MMP16: variants seen among roughly 807,000 people sequenced by gnomAD.
MMP16 encodes matrix metallopeptidase 16, also known as matrix metalloproteinase-16.
Under a neutral mutation model 67.8 loss-of-function variants are expected in MMP16, and 12 were observed. The observed-to-expected ratio is 0.18, with a 90% CI of 0.11 to 0.29. The LOEUF (loss-of-function observed/expected upper bound fraction) is 0.29, where lower values mean the gene tolerates loss of function less well. Ranked by LOEUF, MMP16 falls within the 10% of genes least tolerant of loss-of-function variation. The pLI, the probability that MMP16 is intolerant of heterozygous loss-of-function variation, is 1.00. For synonymous variants in MMP16, 249 were observed against 255.9 expected (o/e 0.97, Z 0.26); for missense variants, 475 against 765.7 (o/e 0.62, Z 4.48).
intron 1 of MMP16, among the ~76,000 whole-genome samples, chr8:88,275,960 T>A (rs985938798): frequency 1.3e-5 from 2 of 152,152 alleles, no homozygotes; most frequent in African/African-American, 4.8e-5. Flanking sequence ...CCTAGTCCCT[T>A]GCAAATAGTA....
intron 4 of MMP16, among the ~76,000 whole-genome samples, chr8:88,127,012 A>G (rs1807943681): frequency 6.6e-6 from 1 of 151,910 alleles, no homozygotes; most frequent in Non-Finnish European, 1.5e-5. Flanking sequence ...ACTAAATGAC[A>G]TGAAAAGAAA....
intron 4 of MMP16, 32 bp from the exon 5 acceptor site, chr8:88,118,893 A>G: frequency 6.3e-7 from 1 of 1,596,172 alleles, no homozygotes; most frequent in Non-Finnish European, 8.6e-7. Flanking sequence ...AAGTTTTTGT[A>G]ACTAATATCC....
In MMP16 at chr8:88,148,249, T is replaced by G. The variant is rs117049876; in HGVS notation, c.709+19420A>C. ...TTTTCCTTTTTAAAGACATCCTGCA[T>G]TGAAGTTTTAAAAGATATCCTATTT... On this transcript the variant is annotated intron_variant, in intron 4 of 9. Transcript: ENST00000286614. Among the ~76,000 whole-genome samples, 932 of 152,318 alleles carry G rather than the reference T, an allele frequency of 6.1e-3. 16 individuals are homozygous for G. Among genetic ancestry groups the G allele is most frequent in the East Asian group, 0.045 (232 of 5,180 alleles).
At chr8:88,290,942 G>A (rs545094020) in intron 1 of MMP16, among the ~76,000 whole-genome samples, 6 of 152,008 alleles carry the variant, frequency 3.9e-5, no homozygotes, top group African/African-American at 7.3e-5. Context: ...GAGATTCTCC[G>A]ATTCTAATGA....
At chr8:88,203,591 C>T (rs1809378623) in intron 1 of MMP16, among the ~76,000 whole-genome samples, 1 of 152,294 alleles carries the variant, frequency 6.6e-6, no homozygotes, top group South Asian at 2.1e-4. Flanking sequence ...AAGAGTTTCA[C>T]ATTGTCACCT....
At chr8:88,210,173 G>A (rs981795822) in intron 1 of MMP16, among the ~76,000 whole-genome samples, 1 of 152,088 alleles carries the variant, frequency 6.6e-6, no homozygotes, top group Non-Finnish European at 1.5e-5. Flanking sequence ...CCCAGTCTAC[G>A]ACACTTTTTT....
rs375499615 is a variant in MMP16, at chr8:88,149,282, T to G, written c.709+18387A>C. Among the ~76,000 whole-genome samples the G allele has an allele frequency of 3.9e-3, 601 of 152,162 alleles. 4 individuals carry two copies. The highest frequency in any genetic ancestry group is 0.013 in the African/African-American group (519 of 41,506). ...ACTGCAAGGCGGCAGCGAGGCTGGG[T>G]GAGGGGCGCCCGCCATTGCCCAGGC... On this transcript the variant is annotated intron_variant, in intron 4 of 9. Coordinates refer to ENST00000286614, the MANE Select transcript of MMP16 (RefSeq NM_005941.5).
chr8:88,170,442 C>T (rs1195307384), intron 3 of MMP16, among the ~76,000 whole-genome samples: 1 of 152,108 alleles, frequency 6.6e-6, no homozygotes, highest in Non-Finnish European at 1.5e-5. Context: ...TGAATTTCGT[C>T]TAAATTAATT....
intron 3 of MMP16, among the ~76,000 whole-genome samples, chr8:88,178,448 T>C (rs1808927844): frequency 6.6e-6 from 1 of 152,176 alleles, no homozygotes; most frequent in Admixed American, 6.5e-5. Context: ...AAAGGAAATA[T>C]GCTGTAAGAT....
Position 88,250,130 on chromosome 8 carries a change from A to G in MMP16, c.133-52824T>C, listed in dbSNP as rs916513614. ...AACTCTTATCCCATTTGTAAATTAT[A>G]CTATCTTAATATCTTGCCTAAACAT... On this transcript the variant is annotated intron_variant, in intron 1 of 9. Coordinates refer to ENST00000286614, the MANE Select transcript of MMP16 (RefSeq NM_005941.5). Among the ~76,000 whole-genome samples, 15 of 152,046 alleles carry G rather than the reference A, an allele frequency of 9.9e-5. No homozygotes were observed. The South Asian group carries it at 2.1e-3, about 21-fold the overall frequency.
intron 6 of MMP16, among the ~76,000 whole-genome samples, chr8:88,082,259 A>G (rs1040826645): frequency 2.0e-5 from 3 of 152,110 alleles, no homozygotes; most frequent in Non-Finnish European, 2.9e-5. Flanking sequence ...TATACCATAC[A>G]TTATCAGATT....
chr8:88,106,667 T>TA (rs910277242), intron 6 of MMP16, among the ~76,000 whole-genome samples: 5 of 151,224 alleles, frequency 3.3e-5, no homozygotes, highest in East Asian at 2.0e-4. Flanking sequence ...ATAATGAATT[T>TA]AAAAAAAACT....
intron 1 of MMP16, among the ~76,000 whole-genome samples, chr8:88,291,838 A>AC (rs1219431071): frequency 6.6e-6 from 1 of 152,204 alleles, no homozygotes; most frequent in Non-Finnish European, 1.5e-5. Context: ...GGTTTTTTAA[A>AC]CATAAATATG....
At chr8:88,180,388 G>T (rs1176277535) in intron 3 of MMP16, among the ~76,000 whole-genome samples, 1 of 151,700 alleles carries the variant, frequency 6.6e-6, no homozygotes, top group Non-Finnish European at 1.5e-5. Flanking sequence ...TATGTTTCCT[G>T]CAAGAAACCT....
intron 1 of MMP16, among the ~76,000 whole-genome samples, chr8:88,227,694 C>T (rs1333568674): frequency 6.6e-6 from 1 of 151,978 alleles, no homozygotes; most frequent in Non-Finnish European, 1.5e-5. Flanking sequence ...ATAAAGACTG[C>T]TGTGTTTTCC....
intron 1 of MMP16, among the ~76,000 whole-genome samples, chr8:88,260,411 C>G (rs1810369023): frequency 6.6e-6 from 1 of 152,048 alleles, no homozygotes; most frequent in Non-Finnish European, 1.5e-5. Context: ...ACTTTTTTCA[C>G]TTAAAAGTTT....
intron 4 of MMP16, among the ~76,000 whole-genome samples, chr8:88,147,777 T>TGTG (rs1563545495): frequency 2.7e-5 from 4 of 149,198 alleles, no homozygotes; most frequent in African/African-American, 7.4e-5. Flanking sequence ...AAATATGTGT[T>TGTG]TGTGTGTGTG....
chr8:88,281,719 GC>G (rs968374970), intron 1 of MMP16, among the ~76,000 whole-genome samples: 1 of 152,134 alleles, frequency 6.6e-6, no homozygotes, highest in Non-Finnish European at 1.5e-5. Flanking sequence ...GCACAAGGCT[GC>G]CCCCTGTCAG....
At chr8:88,086,999 T>C (rs979546439) in intron 6 of MMP16, among the ~76,000 whole-genome samples, 3 of 151,800 alleles carry the variant, frequency 2.0e-5, no homozygotes, top group Admixed American at 2.0e-4. Flanking sequence ...TCAGCAAATC[T>C]TTTGCTTGGC....
Sources: allele counts gnomAD v4.1 joint callset (sites outside exome capture counted in the v4.1 genomes callset), GRCh38; gene constraint gnomAD v4.1.1; transcripts MANE v1.5; gene names NCBI Gene and HGNC (gene_info 2026-07-23, HGNC 2026-07-21).